The following LSAMP variants were observed in gnomAD, a reference collection of about 807,000 sequenced individuals.
LSAMP encodes limbic system associated membrane protein.
LSAMP carries 7 observed loss-of-function variants against 38.6 expected under a neutral mutation model. The observed-to-expected ratio is 0.18, with a 90% CI of 0.10 to 0.34. LSAMP has a LOEUF of 0.34. Among genes scored for constraint, LSAMP ranks in the 10% least tolerant of loss-of-function variants. The pLI, the probability that LSAMP is intolerant of heterozygous loss-of-function variation, is 1.00. For missense variants in LSAMP, 313 were observed against 420.0 expected, an observed-to-expected ratio of 0.75 and a Z score of 2.23; for synonymous variants, 154 against 166.8, an observed-to-expected ratio of 0.92 and a Z score of 0.59.
chr3:116,253,421 T>C (rs2046710931), intron 1 of LSAMP, among the ~76,000 whole-genome samples: 1 of 152,204 alleles, frequency 6.6e-6, no homozygotes, highest in Non-Finnish European at 1.5e-5. Context: ...TCCTAGAACA[T>C]TACATATAGG....
At chr3:116,193,903 A>G (rs902792176) in intron 1 of LSAMP, among the ~76,000 whole-genome samples, 1 of 151,888 alleles carries the variant, frequency 6.6e-6, no homozygotes, top group Non-Finnish European at 1.5e-5. Context: ...CCAGCTCTAC[A>G]GTCATCATCC....
intron 1 of LSAMP, among the ~76,000 whole-genome samples, chr3:116,337,464 G>T (rs1238945797): frequency 6.6e-6 from 1 of 151,962 alleles, no homozygotes; most frequent in Non-Finnish European, 1.5e-5. Context: ...ATTTGGACAA[G>T]CAATTTTACT....
intron 1 of LSAMP, among the ~76,000 whole-genome samples, chr3:116,400,392 TTCTC>T (rs975779834): frequency 6.6e-6 from 1 of 150,972 alleles, no homozygotes; most frequent in Admixed American, 6.6e-5. Context: ...CTCTTTGTCT[TTCTC>T]TCTCTCTCTC....
chr3:116,020,520 G>T (rs1940609058), intron 2 of LSAMP, among the ~76,000 whole-genome samples: 1 of 152,274 alleles, frequency 6.6e-6, no homozygotes, highest in South Asian at 2.1e-4. Flanking sequence ...CAGGGCCTTT[G>T]CTCATAAGCA....
chr3:116,369,011 A>T (rs2048394745), intron 1 of LSAMP, among the ~76,000 whole-genome samples: 1 of 152,236 alleles, frequency 6.6e-6, no homozygotes, highest in Non-Finnish European at 1.5e-5. Context: ...TGAAGTACAT[A>T]GGTAGATTTT....
intron 1 of LSAMP, among the ~76,000 whole-genome samples, chr3:116,418,879 T>C (rs1486105578): frequency 6.6e-6 from 1 of 152,194 alleles, no homozygotes; most frequent in East Asian, 1.9e-4. Context: ...CCTTCGCTCA[T>C]GGTCACATTC....
At chr3:116,259,953 C>T (rs1043084524) in intron 1 of LSAMP, among the ~76,000 whole-genome samples, 11 of 152,088 alleles carry the variant, frequency 7.2e-5, no homozygotes, top group East Asian at 1.9e-4. Flanking sequence ...TCTATCCTCA[C>T]GCTATGCATC....
intron 1 of LSAMP, among the ~76,000 whole-genome samples, chr3:116,278,983 T>C (rs773518413): frequency 7.9e-5 from 12 of 152,228 alleles, no homozygotes; most frequent in Non-Finnish European, 1.8e-4. Context: ...CTTCATTCTA[T>C]AAAACTATCG....
chr3:116,073,417 A>T (rs772310877), intron 2 of LSAMP, among the ~76,000 whole-genome samples: 5 of 152,190 alleles, frequency 3.3e-5, no homozygotes, highest in Non-Finnish European at 4.4e-5. Flanking sequence ...TTGGTTCCAT[A>T]TGAATTTTAA....
chr3:115,948,939 C>T (rs1938193651), intron 3 of LSAMP, among the ~76,000 whole-genome samples: 1 of 152,080 alleles, frequency 6.6e-6, no homozygotes, highest in South Asian at 2.1e-4. Flanking sequence ...TTAAGACCAG[C>T]CTGGCCAGCA....
chr3:116,417,374 T>C (rs1056117171), intron 1 of LSAMP, among the ~76,000 whole-genome samples: 2 of 152,198 alleles, frequency 1.3e-5, no homozygotes, highest in Admixed American at 6.5e-5. Context: ...CAAGGGGCTA[T>C]GCTGTCCATG....
At chr3:116,402,366 C>T (rs1179258435) in intron 1 of LSAMP, among the ~76,000 whole-genome samples, 3 of 152,056 alleles carry the variant, frequency 2.0e-5, no homozygotes, top group Non-Finnish European at 4.4e-5. Flanking sequence ...GAGGATAGGC[C>T]TGGCTAGGAA....
intron 2 of LSAMP, among the ~76,000 whole-genome samples, chr3:116,071,419 A>C (rs116552255): frequency 0.019 from 2,853 of 151,968 alleles, 96 homozygotes; most frequent in African/African-American, 0.066. Context: ...TAAATAATAT[A>C]AATTTCTACC....
At chr3:116,023,890 G>C (rs1427943414) in intron 2 of LSAMP, among the ~76,000 whole-genome samples, 2 of 152,220 alleles carry the variant, frequency 1.3e-5, no homozygotes, top group South Asian at 2.1e-4. Flanking sequence ...TCTGAAATGT[G>C]CTCTCCTCAC....
chr3:115,947,102 A>G (rs1278252856), intron 3 of LSAMP, among the ~76,000 whole-genome samples: 1 of 152,184 alleles, frequency 6.6e-6, no homozygotes, highest in Non-Finnish European at 1.5e-5. Context: ...TGTAATTCTC[A>G]TTAATGACAG....
At chr3:116,090,342 A>G (rs1034298361) in intron 1 of LSAMP, among the ~76,000 whole-genome samples, 2 of 152,226 alleles carry the variant, frequency 1.3e-5, no homozygotes, top group African/African-American at 4.8e-5. Flanking sequence ...CCACCTGGCT[A>G]TCTGGAAATA....
chr3:116,113,420 A>ATATATATATATATATAT (rs1553705042), intron 1 of LSAMP, among the ~76,000 whole-genome samples: 1 of 51,044 alleles, frequency 2.0e-5, no homozygotes, highest in African/African-American at 9.6e-5. Context: ...ATATATATAT[A>ATATATATATATATATAT]TTTTTTTTTT....
chr3:116,090,381 G>A (rs1451366165), intron 1 of LSAMP, among the ~76,000 whole-genome samples: 2 of 152,112 alleles, frequency 1.3e-5, no homozygotes, highest in African/African-American at 2.4e-5. Context: ...ACAGACCCAG[G>A]TTCCCAGCAT....
intron 1 of LSAMP, among the ~76,000 whole-genome samples, chr3:116,357,587 C>T (rs1007189353): frequency 1.3e-5 from 2 of 151,960 alleles, no homozygotes; most frequent in African/African-American, 4.8e-5. Flanking sequence ...TATTATCTAC[C>T]CAGTACATTT....
Sources: allele counts gnomAD v4.1 joint callset (sites outside exome capture counted in the v4.1 genomes callset), GRCh38; gene constraint gnomAD v4.1.1; transcripts MANE v1.5; gene names NCBI Gene and HGNC (gene_info 2026-07-23, HGNC 2026-07-21).